The following RINL variants were observed in gnomAD, a reference collection of about 807,000 sequenced individuals.
RINL encodes the protein Ras and Rab interactor like.
In RINL, 39 loss-of-function variants were observed where a neutral mutation model predicts 58.1. The observed-to-expected ratio is 0.67, with a 90% CI of 0.52 to 0.88. RINL has a LOEUF of 0.88. Among genes scored for constraint, RINL ranks in the 40% least tolerant of loss-of-function variants. The pLI is 0.00. For missense variants in RINL, 711 were observed against 749.2 expected, an observed-to-expected ratio of 0.95 and a Z score of 0.60; for synonymous variants, 286 against 323.1, an observed-to-expected ratio of 0.89 and a Z score of 1.23.
At chr19:38,876,302 A>C in intron 3 of RINL, 29 bp downstream of exon 3, 1 of 1,524,436 alleles carries the variant, frequency 6.6e-7, no homozygotes, top group Non-Finnish European at 8.8e-7. Flanking sequence ...CTAGGGTGTC[A>C]GGATGGGCCC....
In RINL at chr19:38,870,267, G is replaced by T. The variant is rs901419412; in HGVS notation, c.1025-7C>A. ...GCCGTCTCCAGCGCGGGGCCTGCGG[G>T]GTGTGGGGGACGGGTGAGCACAGGA... On this transcript the variant is annotated splice_region_variant and splice_polypyrimidine_tract_variant and intron_variant, in intron 8 of 11. Transcript: ENST00000591812. The surrounding 1 kb of genome is among the most constrained non-coding windows in gnomAD (Gnocchi z 5.8). 2.4e-5 allele frequency: 33 copies of T among 1,382,932 alleles called. No homozygotes were observed. Among genetic ancestry groups the T allele is most frequent in the Non-Finnish European group, 2.9e-5 (31 of 1,075,712 alleles). The allele number at this position is 1,382,932 out of a possible 1,614,324, so 85.7% of individuals were successfully genotyped here.
rs764697471 is a variant in RINL, at chr19:38,869,269, C to CTG, written c.1614_1615dup (p.Arg539ThrfsTer23). On this transcript the variant is annotated frameshift_variant, in exon 11 of 12. Transcript: ENST00000591812. LOFTEE classifies it low-confidence loss of function (END_TRUNC). This position sits in a 1 kb window ranked among gnomAD's most constrained non-coding sequence, Gnocchi z 5.7. ...CACCTGGGCTCTGGGATGATCCTTT[C>CTG]TGTGCAGCGTCCGCCTGCGGTGCCA... is the stretch of plus-strand genomic sequence containing the variant. 1.2e-6 allele frequency: 2 copies of CTG among 1,614,144 alleles called. No individual in the cohort carries two copies. The highest frequency in any genetic ancestry group is 2.2e-5 in the East Asian group (1 of 44,872).
At chr19:38,872,732 G>T (rs1445753801) in intron 4 of RINL, among the ~76,000 whole-genome samples, 1 of 152,054 alleles carries the variant, frequency 6.6e-6, no homozygotes, top group African/African-American at 2.4e-5. Context: ...AAATTGGGAG[G>T]TGGGGGCCTA....
chr19:38,874,034 T>C (rs1405667343), intron 3 of RINL, 46 bp from the exon 4 acceptor site: 3 of 1,205,082 alleles, frequency 2.5e-6, no homozygotes, highest in Non-Finnish European at 2.4e-6. Context: ...TGTGCGCAGA[T>C]GTCTGTTGCT....
chr19:38,872,430 G>A (rs1197712532), intron 4 of RINL, among the ~76,000 whole-genome samples: 1 of 152,060 alleles, frequency 6.6e-6, no homozygotes, highest in Non-Finnish European at 1.5e-5. Flanking sequence ...AGGTTGAAGT[G>A]ACCTGAGATT....
At chr19:38,876,294 A>G in intron 3 of RINL, 37 bp downstream of exon 3, 1 of 1,519,368 alleles carries the variant, frequency 6.6e-7, no homozygotes. Context: ...GTCCTAATCT[A>G]GGGTGTCAGG....
chr19:38,869,793 T>C lies in RINL; in HGVS notation c.1343-89A>G. 1.3e-6 allele frequency: 2 copies of C among 1,576,266 alleles called. No homozygotes were observed. Among genetic ancestry groups the C allele is most frequent in the Non-Finnish European group, 8.6e-7 (1 of 1,157,202 alleles). On this transcript the variant is annotated intron_variant, in intron 9 of 11. Transcript: ENST00000591812. The surrounding 1 kb of genome is among the most constrained non-coding windows in gnomAD (Gnocchi z 5.7). ...ATCCGATCCCCAGGACCACGAGGGC[T>C]GGCTGCCCCTCCACCTTGTCGGGCA...
At chr19:38,873,525 G>A (rs1972855843) in intron 4 of RINL, 1 of 174,746 alleles carries the variant, frequency 5.7e-6, no homozygotes, top group Non-Finnish European at 1.2e-5. Flanking sequence ...GCTGACAGGT[G>A]TTTTTGTTTT....
rs768871028 is a variant in RINL, at chr19:38,870,976, C to T, written c.618G>A (p.Ala206=). The change falls in exon 8 of 12, where the codon GCG becomes GCA. Residue 206 remains alanine (A), a synonymous_variant. Coordinates refer to ENST00000591812, the MANE Select transcript of RINL (RefSeq NM_001195833.2). The surrounding 1 kb of genome is among the most constrained non-coding windows in gnomAD (Gnocchi z 5.8). The part of the protein sequence containing the change: ...QRHDPAPRNP[A]PHGVSWVKGP... ...CTTTCACCCAGGAGACCCCGTGAGGCGCAGGGTTCCTGGGGGCTGGAAGTG... is the reference window on the plus strand; with the variant it reads ...CTTTCACCCAGGAGACCCCGTGAGGTGCAGGGTTCCTGGGGGCTGGAAGTG... 31 of 1,601,382 alleles carry T rather than the reference C, an allele frequency of 1.9e-5. No individual in the cohort carries two copies. Among genetic ancestry groups the T allele is most frequent in the Non-Finnish European group, 2.6e-5 (31 of 1,176,490 alleles).
rs1244919008 is a variant in RINL at position 38,870,433 on chromosome 19, G to T, written c.1024+137C>A. On this transcript the variant is annotated intron_variant, in intron 8 of 11. Coordinates refer to ENST00000591812, the MANE Select transcript of RINL (RefSeq NM_001195833.2). This position sits in a 1 kb window ranked among gnomAD's most constrained non-coding sequence, Gnocchi z 5.8. ...AGAGTTAGCCTGGGTGTGAACTTGC[G>T]CGCATACGTGGGCGATAGAACGCGT... is the stretch of plus-strand genomic sequence containing the variant. 2.7e-6 allele frequency: 3 copies of T among 1,106,988 alleles called. No individual in the cohort carries two copies. The highest frequency in any genetic ancestry group is 1.6e-5 in the African/African-American group (1 of 63,276). The allele number at this position is 1,106,988 out of a possible 1,614,324, so 68.6% of individuals were successfully genotyped here. A position where few individuals can be genotyped will look rare whatever the true frequency, so the allele number is the denominator to read the frequency against.
rs539343419 is a variant in RINL, at chr19:38,870,642, C to T, written c.952G>A (p.Ala318Thr). The T allele has an allele frequency of 3.2e-5, 51 of 1,613,206 alleles. No homozygotes were observed. In the South Asian group the frequency reaches 4.9e-4, roughly 16 times the overall value. ...HLLTDLQDHL[A>T]KDSYIRAVFG... is the part of the protein sequence containing the mutation. ...ACAGCCCTGATGTAGGAGTCCTTTG[C>T]CAGGTGATCCTGGAGGTCAGTAAGG... is the stretch of plus-strand genomic sequence containing the variant. The change falls in exon 8 of 12, where the codon GCA becomes ACA. Residue 318 changes from alanine to threonine, a missense_variant. Coordinates refer to ENST00000591812, the MANE Select transcript of RINL (RefSeq NM_001195833.2). The surrounding 1 kb of genome is among the most constrained non-coding windows in gnomAD (Gnocchi z 5.8).
Position 38,876,343 on chromosome 19 carries a change from C to T in RINL, c.198G>A (p.Leu66=), listed in dbSNP as rs766307220. The change falls in exon 3 of 12, where the codon CTG becomes CTA. Residue 66 remains leucine (L), a synonymous_variant. Transcript: ENST00000591812. ...DTQDAEALVG[L]WPLGSFLVTG... is the part of the protein sequence containing the mutation. ...TGTGAGTACTCACCCCTAGTGGCCA[C>T]AGCCCCACAAGGGCCTCCGCATCCT... 1.3e-6 allele frequency: 2 copies of T among 1,536,058 alleles called. No homozygotes were observed. Among genetic ancestry groups the T allele is most frequent in the East Asian group, 2.4e-5 (1 of 40,912 alleles).
Position 38,870,710 on chromosome 19 carries a change from G to T in RINL, c.884C>A (p.Ser295Tyr), listed in dbSNP as rs1306470671. 1.2e-6 allele frequency: 2 copies of T among 1,613,458 alleles called. No individual in the cohort carries two copies. Among genetic ancestry groups the T allele is most frequent in the African/African-American group, 2.7e-5 (2 of 74,912 alleles). Reference protein sequence around the residue: ...IASDSGGPHGSGDPATELLQD... With the variant: ...IASDSGGPHGYGDPATELLQD... ...AAGCAGCTCCGTGGCCGGGTCCCCA[G>T]ACCCGTGGGGACCCCCAGAATCTGA... Residue 295 changes from serine to tyrosine, a missense_variant, in exon 8 of 12, where the codon TCT (serine) becomes TAT (tyrosine). Physicochemically the swap from Ser to Tyr is moderately radical, Grantham distance 144. Transcript: ENST00000591812. This position sits in a 1 kb window ranked among gnomAD's most constrained non-coding sequence, Gnocchi z 5.8.
At chr19:38,875,482 C>T (rs1724025047) in intron 3 of RINL, among the ~76,000 whole-genome samples, 1 of 151,876 alleles carries the variant, frequency 6.6e-6, no homozygotes, top group Admixed American at 6.6e-5. Context: ...TTGAGACCAG[C>T]TTGGCCAACA....
At position 38,873,975 on chromosome 19, in the gene RINL, G is replaced by C. The variant is rs1349190247; in HGVS notation, c.224C>G (p.Thr75Arg). 1 of 1,534,688 alleles carries C rather than the reference G, an allele frequency of 6.5e-7. No homozygotes were observed. Among genetic ancestry groups the C allele is most frequent in the East Asian group, 2.4e-5 (1 of 40,916 alleles). Residue 75 changes from threonine (T) to arginine (R), a missense_variant, in exon 4 of 12, where the codon ACA (threonine) becomes AGA (arginine). Coordinates refer to ENST00000591812, the MANE Select transcript of RINL (RefSeq NM_001195833.2). The part of the protein sequence containing the change: ...GLWPLGSFLV[T>R]GRDPSQALVL... ...CAGGGCCTGGCTGGGGTCACGTCCT[G>C]TGACCAAGAAACTCTGGGGGATAGA...
chr19:38,870,393 G>T lies in RINL; in HGVS notation c.1025-133C>A, dbSNP rs1046325243. ...GTCCCCCGTGAGTGTAGACATGGTT[G>T]TGAACATGTGTGGAAGAGTTAGCCT... On this transcript the variant is annotated intron_variant, in intron 8 of 11. Transcript: ENST00000591812. This position sits in a 1 kb window ranked among gnomAD's most constrained non-coding sequence, Gnocchi z 5.8. 1.4e-5 allele frequency: 14 copies of T among 1,017,706 alleles called. No individual in the cohort carries two copies. The African/African-American group carries it at 1.8e-4, about 13-fold the overall frequency. The allele number at this position is 1,017,706 out of a possible 1,614,324, so 63.0% of individuals were successfully genotyped here.
Position 38,870,479 on chromosome 19 carries a change from G to A in RINL, c.1024+91C>T, listed in dbSNP as rs1437944454. The A allele has an allele frequency of 1.4e-6, 2 of 1,391,118 alleles. No homozygotes were observed. Among genetic ancestry groups the A allele is most frequent in the Non-Finnish European group, 1.9e-6 (2 of 1,045,686 alleles). 86.2% of individuals were successfully genotyped at this position (1,391,118 alleles called of 1,614,324 possible). Reference sequence around the variant, plus strand: ...CGCGTGGGATGTGTAGGAAGGGCGTGTGGGTGCAGAAGGAAACGTGTGCGC... The same window carrying A: ...CGCGTGGGATGTGTAGGAAGGGCGTATGGGTGCAGAAGGAAACGTGTGCGC... On this transcript the variant is annotated intron_variant, in intron 8 of 11. Coordinates refer to ENST00000591812, the MANE Select transcript of RINL (RefSeq NM_001195833.2). The surrounding 1 kb of genome is among the most constrained non-coding windows in gnomAD (Gnocchi z 5.8).
Position 38,876,317 on chromosome 19 carries a change from C to A in RINL, c.210+14G>T. ...CTAGGGTGTCAGGATGGGCCCCCAG[C>A]TGTGAGTACTCACCCCTAGTGGCCA... On this transcript the variant is annotated intron_variant, in intron 3 of 11. Coordinates refer to ENST00000591812, the MANE Select transcript of RINL (RefSeq NM_001195833.2). The A allele has an allele frequency of 6.5e-7, 1 of 1,533,520 alleles. No homozygotes were observed. Among genetic ancestry groups the A allele is most frequent in the East Asian group, 2.4e-5 (1 of 40,878 alleles). 95.0% of individuals were successfully genotyped at this position (1,533,520 alleles called of 1,614,324 possible). A position where few individuals can be genotyped will look rare whatever the true frequency, so the allele number is the denominator to read the frequency against.
chr19:38,869,971 A>C lies in RINL; in HGVS notation c.1314T>G (p.Tyr438Ter), dbSNP rs770823837. The change falls in exon 9 of 12, where the codon TAT (tyrosine) becomes TAG (stop). Residue 438 changes from tyrosine (Y) to a stop codon, truncating the protein, a stop_gained. Transcript: ENST00000591812. LOFTEE classifies it high-confidence loss of function. The surrounding 1 kb of genome is among the most constrained non-coding windows in gnomAD (Gnocchi z 5.7). ...ALLLEVCRDV[Y>*]AGLARGENQD... ...GGTTCTCGCCTCGAGCCAGGCCCGC[A>C]TAGACATCTCTGCACACCTCCAAGA... 2 of 1,600,306 alleles carry C rather than the reference A, an allele frequency of 1.2e-6. No individual in the cohort carries two copies. Among genetic ancestry groups the C allele is most frequent in the East Asian group, 4.5e-5 (2 of 44,092 alleles).
Sources: gnomAD v4.1 joint callset for allele counts (sites outside exome capture counted in the v4.1 genomes callset) on GRCh38, gnomAD v4.1.1 for gene constraint, Gnocchi (gnomAD v3.1) non-coding constraint, MANE v1.5 for transcripts, NCBI Gene and HGNC (gene_info 2026-07-23, HGNC 2026-07-21) for gene names.